Variants in CSMD1 observed in about 807,000 individuals in gnomAD.
CSMD1 encodes CUB and sushi domain-containing protein 1.
Under a neutral mutation model 417.5 loss-of-function variants are expected in CSMD1, and 213 were observed. The observed-to-expected ratio is 0.51, with a 90% CI of 0.46 to 0.57. CSMD1 has a LOEUF of 0.57. Ranked by LOEUF, CSMD1 falls within the 20% of genes least tolerant of loss-of-function variation. The pLI, the probability that CSMD1 is intolerant of heterozygous loss-of-function variation, is 0.00. For synonymous variants in CSMD1, 2,862 were observed against 1,736.8 expected, an observed-to-expected ratio of 1.65 and a Z score of -16.11; for missense variants, 6,923 against 4,529.7, an observed-to-expected ratio of 1.53 and a Z score of -15.17.
At chr8:3,367,713 G>A (rs1809688904) in intron 19 of CSMD1, among the ~76,000 whole-genome samples, 1 of 152,154 alleles carries the variant, frequency 6.6e-6, no homozygotes, top group Non-Finnish European at 1.5e-5. Flanking sequence ...ATGAAGATAT[G>A]ATGTGGACAT....
chr8:3,008,336 A>G (rs1232257835), intron 52 of CSMD1, among the ~76,000 whole-genome samples: 1 of 152,324 alleles, frequency 6.6e-6, no homozygotes. Context: ...CACAGGGAAA[A>G]CCACTCACTC....
At chr8:3,914,251 T>A (rs1383128511) in intron 5 of CSMD1, among the ~76,000 whole-genome samples, 1 of 152,118 alleles carries the variant, frequency 6.6e-6, no homozygotes, top group African/African-American at 2.4e-5. Flanking sequence ...AGATAAGAGC[T>A]AGTTAGAGAG....
chr8:4,667,912 C>A (rs768102332), intron 1 of CSMD1, among the ~76,000 whole-genome samples: 1 of 152,158 alleles, frequency 6.6e-6, no homozygotes, highest in Non-Finnish European at 1.5e-5. Flanking sequence ...GTTAGAGTGG[C>A]CATCTTTGCC....
chr8:3,402,166 T>C (rs115851554), intron 15 of CSMD1, among the ~76,000 whole-genome samples: 2,978 of 152,280 alleles, frequency 0.02, 91 homozygotes, highest in African/African-American at 0.067. Flanking sequence ...TTATCTGTGA[T>C]AGTGCACAAC....
intron 5 of CSMD1, among the ~76,000 whole-genome samples, chr8:3,803,251 A>G (rs1471728822): frequency 6.6e-6 from 1 of 152,162 alleles, no homozygotes; most frequent in Admixed American, 6.6e-5. Context: ...TGCTTGGCAT[A>G]AAGTCAGGAA....
At chr8:4,900,582 C>G (rs1177622779) in intron 1 of CSMD1, among the ~76,000 whole-genome samples, 1 of 152,168 alleles carries the variant, frequency 6.6e-6, no homozygotes, top group Non-Finnish European at 1.5e-5. Context: ...CCTTTCTGGC[C>G]TCTTCTGATT....
chr8:3,210,954 A>C (rs1797569371), intron 30 of CSMD1, among the ~76,000 whole-genome samples: 1 of 151,514 alleles, frequency 6.6e-6, no homozygotes, highest in Non-Finnish European at 1.5e-5. Flanking sequence ...ATAATTGCTA[A>C]AGATATCTGA....
intron 5 of CSMD1, among the ~76,000 whole-genome samples, chr8:3,922,302 T>C (rs2081554): frequency 0.27 from 40,939 of 151,910 alleles, 6,004 homozygotes; most frequent in East Asian, 0.42. Context: ...AAAAAGCATA[T>C]AGTTGGATCT....
At chr8:4,710,043 C>T (rs1808190803) in intron 1 of CSMD1, among the ~76,000 whole-genome samples, 1 of 152,110 alleles carries the variant, frequency 6.6e-6, no homozygotes, top group Admixed American at 6.5e-5. Context: ...ACTAAGCTGA[C>T]TTGATAACTA....
intron 38 of CSMD1, among the ~76,000 whole-genome samples, chr8:3,160,262 A>G (rs2129039532): frequency 6.6e-6 from 1 of 152,166 alleles, no homozygotes; most frequent in Admixed American, 6.5e-5. Context: ...AACTGGGACT[A>G]AAGGAATGCG....
intron 5 of CSMD1, among the ~76,000 whole-genome samples, chr8:3,943,055 T>G (rs867434121): frequency 1.3e-5 from 2 of 152,130 alleles, no homozygotes; most frequent in South Asian, 4.1e-4. Flanking sequence ...TCAGAGAAGA[T>G]AAATGCAATA....
chr8:3,720,462 C>G (rs559953082), intron 6 of CSMD1, among the ~76,000 whole-genome samples: 2 of 152,178 alleles, frequency 1.3e-5, no homozygotes, highest in Admixed American at 6.5e-5. Context: ...TACATGTGTC[C>G]TTTCAGATCT....
chr8:4,292,667 T>G (rs12334600), intron 3 of CSMD1, among the ~76,000 whole-genome samples: 145,271 of 152,168 alleles, frequency 0.95, 69,731 homozygotes, highest in East Asian at 1. Context: ...TTTCTATACA[T>G]GAAAATATTC....
chr8:3,751,975 G>A (rs577567426), intron 6 of CSMD1, among the ~76,000 whole-genome samples: 1 of 152,118 alleles, frequency 6.6e-6, no homozygotes, highest in Non-Finnish European at 1.5e-5. Flanking sequence ...TGTTAAATCT[G>A]GTACGGGATG....
intron 61 of CSMD1, among the ~76,000 whole-genome samples, chr8:2,961,825 C>T (rs1042876137): frequency 5.3e-5 from 8 of 152,056 alleles, no homozygotes; most frequent in Admixed American, 5.2e-4. Context: ...GACTAACCTT[C>T]TAGGGGGAAG....
intron 23 of CSMD1, among the ~76,000 whole-genome samples, chr8:3,316,564 C>G (rs1017633614): frequency 2.6e-5 from 4 of 152,098 alleles, no homozygotes; most frequent in Admixed American, 2.6e-4. Context: ...CTAGGGGCCT[C>G]CTGGACGCCA....
At chr8:4,788,725 A>T (rs764047578) in intron 1 of CSMD1, 5 of 454,086 alleles carry the variant, frequency 1.1e-5, no homozygotes, top group Non-Finnish European at 1.6e-5. Flanking sequence ...GCTTCTCTAG[A>T]TCCATACTAA....
At chr8:4,610,041 C>T (rs1428653089) in intron 2 of CSMD1, among the ~76,000 whole-genome samples, 1 of 149,952 alleles carries the variant, frequency 6.7e-6, no homozygotes, top group Non-Finnish European at 1.5e-5. Flanking sequence ...AAAAAAAAAA[C>T]AATTAGATAT....
chr8:3,974,522 T>C (rs532857282), intron 5 of CSMD1, among the ~76,000 whole-genome samples: 53 of 152,176 alleles, frequency 3.5e-4, no homozygotes, highest in African/African-American at 1.2e-3. Context: ...AAATCTTTCA[T>C]AGTAGTTGTT....
Sources: gnomAD v4.1 joint callset for allele counts (sites outside exome capture counted in the v4.1 genomes callset) on GRCh38, gnomAD v4.1.1 for gene constraint, MANE v1.5 for transcripts, NCBI Gene and HGNC (gene_info 2026-07-23, HGNC 2026-07-21) for gene names.